ST6GALNAC3: variants seen among roughly 807,000 people sequenced by gnomAD.
The protein encoded by ST6GALNAC3 is ST6 N-acetylgalactosaminide alpha-2,6-sialyltransferase 3.
ST6GALNAC3 carries 25 observed loss-of-function variants against 32.7 expected under a neutral mutation model. The observed-to-expected ratio is 0.76, with a 90% CI of 0.56 to 1.07. The LOEUF (loss-of-function observed/expected upper bound fraction) is 1.07, where lower values mean the gene tolerates loss of function less well. ST6GALNAC3 is among the 50% of genes least tolerant of loss of function. The probability of loss-of-function intolerance (pLI) is 0.00; values close to 1 mark genes in which losing one functional copy is unlikely to be tolerated. For missense variants in ST6GALNAC3, 355 were observed against 382.4 expected, an observed-to-expected ratio of 0.93 and a Z score of 0.60; for synonymous variants, 129 against 133.1, an observed-to-expected ratio of 0.97 and a Z score of 0.21.
intron 2 of ST6GALNAC3, among the ~76,000 whole-genome samples, chr1:76,341,608 T>TTG (rs1557803528): frequency 1.7e-4 from 10 of 57,578 alleles, no homozygotes; most frequent in Non-Finnish European, 3.5e-4. Context: ...AAACTGCTTT[T>TTG]CTTTCTTTCT....
chr1:76,234,581 A>C (rs1656545470), intron 1 of ST6GALNAC3, among the ~76,000 whole-genome samples: 1 of 152,212 alleles, frequency 6.6e-6, no homozygotes, highest in Admixed American at 6.5e-5. Flanking sequence ...CTGGACAAGA[A>C]TCCCCTGCTC....
intron 2 of ST6GALNAC3, among the ~76,000 whole-genome samples, chr1:76,319,153 T>C (rs1463326160): frequency 6.6e-6 from 1 of 152,120 alleles, no homozygotes; most frequent in Non-Finnish European, 1.5e-5. Flanking sequence ...TTAGACCTGA[T>C]AGGATCTTCC....
chr1:76,536,654 C>CAAAAA (rs35157329), intron 3 of ST6GALNAC3, among the ~76,000 whole-genome samples: 36 of 57,606 alleles, frequency 6.2e-4, no homozygotes, highest in East Asian at 1.4e-3. Flanking sequence ...AAATGGAAAG[C>CAAAAA]AAAAAAAAAA....
intron 1 of ST6GALNAC3, among the ~76,000 whole-genome samples, chr1:76,088,367 G>A (rs1646992396): frequency 6.6e-6 from 1 of 152,206 alleles, no homozygotes; most frequent in Non-Finnish European, 1.5e-5. Flanking sequence ...GGAGCTTGCG[G>A]AAATGAAAAT....
intron 1 of ST6GALNAC3, among the ~76,000 whole-genome samples, chr1:76,299,572 A>T (rs536974180): frequency 1.1e-4 from 16 of 152,138 alleles, no homozygotes; most frequent in Admixed American, 5.9e-4. Flanking sequence ...GCTGGGATAC[A>T]TTGAGTGTCT....
intron 1 of ST6GALNAC3, among the ~76,000 whole-genome samples, chr1:76,120,912 C>T (rs1648833432): frequency 6.6e-6 from 1 of 152,150 alleles, no homozygotes; most frequent in African/African-American, 2.4e-5. Flanking sequence ...CTTCTGGAGT[C>T]TTCAGAGGAA....
At chr1:76,512,661 C>G (rs978123907) in intron 3 of ST6GALNAC3, among the ~76,000 whole-genome samples, 2 of 152,148 alleles carry the variant, frequency 1.3e-5, no homozygotes, top group African/African-American at 4.8e-5. Context: ...AACACCAGGA[C>G]TTATTCCTCC....
chr1:76,288,588 G>T (rs1659906501), intron 1 of ST6GALNAC3, among the ~76,000 whole-genome samples: 2 of 152,222 alleles, frequency 1.3e-5, no homozygotes, highest in Admixed American at 1.3e-4. Flanking sequence ...AGCAGTAACT[G>T]CTGTGGAAGC....
chr1:76,416,384 T>A (rs1462930176), intron 3 of ST6GALNAC3, among the ~76,000 whole-genome samples: 1 of 152,104 alleles, frequency 6.6e-6, no homozygotes, highest in African/African-American at 2.4e-5. Flanking sequence ...AGCAAGTAGT[T>A]ATTTTCATCA....
intron 1 of ST6GALNAC3, among the ~76,000 whole-genome samples, chr1:76,089,779 C>T (rs1489867492): frequency 6.6e-6 from 1 of 152,168 alleles, no homozygotes; most frequent in Non-Finnish European, 1.5e-5. Flanking sequence ...CTCAGAGTCA[C>T]TATATAGCAG....
Position 76,132,725 on chromosome 1 carries a change from G to A in ST6GALNAC3, c.18+57841G>A, listed in dbSNP as rs553219536. Among the ~76,000 whole-genome samples the A allele has an allele frequency of 2.6e-4, 39 of 152,200 alleles. No homozygotes were observed. In the South Asian group the frequency reaches 7.1e-3, roughly 28 times the overall value. Reference sequence around the variant, plus strand: ...AGATGATGGGACATGGCAGAGATGCGTCTCCACCACCTCGCTCATTGTCAT... The same window carrying A: ...AGATGATGGGACATGGCAGAGATGCATCTCCACCACCTCGCTCATTGTCAT... On this transcript the variant is annotated intron_variant, in intron 1 of 4. Transcript: ENST00000328299.
intron 1 of ST6GALNAC3, among the ~76,000 whole-genome samples, chr1:76,140,462 C>T (rs1650241414): frequency 6.6e-6 from 1 of 152,040 alleles, no homozygotes; most frequent in Non-Finnish European, 1.5e-5. Context: ...CCTGCTTACT[C>T]TGCTTGCCTT....
At chr1:76,224,699 A>G (rs1464907316) in intron 1 of ST6GALNAC3, among the ~76,000 whole-genome samples, 2 of 152,196 alleles carry the variant, frequency 1.3e-5, no homozygotes, top group African/African-American at 4.8e-5. Context: ...ATATCTCCAA[A>G]GAGACAAGGG....
At chr1:76,497,424 GAAAGGGATAAAATA>G (rs1660921221) in intron 3 of ST6GALNAC3, among the ~76,000 whole-genome samples, 1 of 152,148 alleles carries the variant, frequency 6.6e-6, no homozygotes, top group African/African-American at 2.4e-5. Context: ...AGCTCAAGTG[GAAAGGGATAAAATA>G]AATGGCTTCC....
chr1:76,392,424 T>C (rs947376674), intron 2 of ST6GALNAC3, among the ~76,000 whole-genome samples: 6 of 152,220 alleles, frequency 3.9e-5, no homozygotes, highest in Non-Finnish European at 5.9e-5. Context: ...TGCCCAGCAA[T>C]GGAAATCCCT....
chr1:76,134,086 A>C (rs1041510518), intron 1 of ST6GALNAC3, among the ~76,000 whole-genome samples: 3 of 152,210 alleles, frequency 2.0e-5, no homozygotes, highest in Non-Finnish European at 2.9e-5. Flanking sequence ...CCAAATAAGG[A>C]AGAAGACTCT....
intron 2 of ST6GALNAC3, among the ~76,000 whole-genome samples, chr1:76,370,127 A>T (rs191849171): frequency 1.3e-3 from 203 of 152,304 alleles, no homozygotes; most frequent in South Asian, 5.0e-3. Flanking sequence ...ACCATGAAAA[A>T]TGTGGCCACC....
intron 1 of ST6GALNAC3, among the ~76,000 whole-genome samples, chr1:76,098,933 T>C (rs190096840): frequency 1.1e-4 from 17 of 152,298 alleles, no homozygotes; most frequent in African/African-American, 4.1e-4. Context: ...AAAATCTATT[T>C]CGATTTTATT....
intron 3 of ST6GALNAC3, among the ~76,000 whole-genome samples, chr1:76,499,295 C>A (rs1457455059): frequency 6.6e-6 from 1 of 152,106 alleles, no homozygotes; most frequent in Non-Finnish European, 1.5e-5. Flanking sequence ...TTTATTGTAA[C>A]CTATTAGTAA....
Sources: allele counts gnomAD v4.1 joint callset (sites outside exome capture counted in the v4.1 genomes callset), GRCh38; gene constraint gnomAD v4.1.1; transcripts MANE v1.5; gene names NCBI Gene and HGNC (gene_info 2026-07-23, HGNC 2026-07-21).